LRP6: variants seen among roughly 807,000 people sequenced by gnomAD.
The protein encoded by LRP6 is LDL receptor related protein 6, also known as low-density lipoprotein receptor-related protein 6.
In LRP6, 43 loss-of-function variants were observed where a neutral mutation model predicts 184.1. The observed-to-expected ratio is 0.23, with a 90% CI of 0.18 to 0.30. The LOEUF is 0.30. Ranked by LOEUF, LRP6 falls within the 10% of genes least tolerant of loss-of-function variation. The pLI, the probability that LRP6 is intolerant of heterozygous loss-of-function variation, is 1.00. For missense variants in LRP6, 1,571 were observed against 2,005.3 expected (o/e 0.78, Z 4.14); for synonymous variants, 719 against 684.9 (o/e 1.05, Z -0.78).
Position 12,147,634 on chromosome 12 carries a change from T to C in LRP6, c.3207-78A>G, listed in dbSNP as rs567847245. The C allele has an allele frequency of 5.9e-4, 680 of 1,144,108 alleles. 3 individuals carry two copies. Among genetic ancestry groups the C allele is most frequent in the Middle Eastern group, 6.6e-4 (3 of 4,540 alleles). The allele number at this position is 1,144,108 out of a possible 1,614,324, so 70.9% of individuals were successfully genotyped here. ...ATGAGGATATTCTTATTAAGACAAA[T>C]GGAGGTAGAGTATTTTTAAGTATTG... On this transcript the variant is annotated intron_variant, in intron 14 of 22. Coordinates refer to ENST00000261349, the MANE Select transcript of LRP6 (RefSeq NM_002336.3).
chr12:12,212,870 C>T (rs1296313848), intron 2 of LRP6, among the ~76,000 whole-genome samples: 1 of 152,130 alleles, frequency 6.6e-6, no homozygotes, highest in Non-Finnish European at 1.5e-5. Context: ...CTTGAGAATT[C>T]TTGGTCTTGA....
At chr12:12,173,535 G>C (rs1470091720) in intron 7 of LRP6, among the ~76,000 whole-genome samples, 1 of 151,894 alleles carries the variant, frequency 6.6e-6, no homozygotes, top group African/African-American at 2.4e-5. Flanking sequence ...TAGAGATGGG[G>C]TTTTGCCATG....
At chr12:12,173,826 T>C (rs1863107292) in intron 7 of LRP6, among the ~76,000 whole-genome samples, 1 of 152,132 alleles carries the variant, frequency 6.6e-6, no homozygotes, top group Admixed American at 6.5e-5. Flanking sequence ...CAAATTTCAT[T>C]GTTATGCGAT....
chr12:12,205,325 C>CAAAAAAAAAAAAAAAA (rs1334062234), intron 2 of LRP6, among the ~76,000 whole-genome samples: 6 of 26,228 alleles, frequency 2.3e-4, no homozygotes, highest in African/African-American at 5.7e-4. Context: ...CTGTCTCAAA[C>CAAAAAAAAAAAAAAAA]AAACAAAAAA....
rs574650360 is a variant in LRP6, at chr12:12,179,473, G to T, written c.1545+337C>A. ...TAACTTAGGACAGCCAGTTCTTCCAGTATAGATCTTACATAATTTTGGTTT... is the reference window on the plus strand; with the variant it reads ...TAACTTAGGACAGCCAGTTCTTCCATTATAGATCTTACATAATTTTGGTTT... On this transcript the variant is annotated intron_variant, in intron 7 of 22. Coordinates refer to ENST00000261349, the MANE Select transcript of LRP6 (RefSeq NM_002336.3). 3.6e-3 allele frequency among the ~76,000 whole-genome samples: 555 copies of T among 152,152 alleles called. 10 individuals are homozygous for T. Among genetic ancestry groups the T allele is most frequent in the Non-Finnish European group, 3.0e-3 (204 of 68,002 alleles).
chr12:12,191,681 T>A (rs1296376831), intron 3 of LRP6, among the ~76,000 whole-genome samples: 1 of 152,074 alleles, frequency 6.6e-6, no homozygotes, highest in Non-Finnish European at 1.5e-5. Flanking sequence ...GTATTTAAAG[T>A]AAGATACTAG....
chr12:12,205,280 C>T (rs981415363), intron 2 of LRP6, among the ~76,000 whole-genome samples: 8 of 140,610 alleles, frequency 5.7e-5, no homozygotes, highest in African/African-American at 2.2e-4. Context: ...AGATTGTGTG[C>T]CACTGCACTC....
chr12:12,199,480 C>T (rs1181737035), intron 3 of LRP6, among the ~76,000 whole-genome samples: 1 of 152,054 alleles, frequency 6.6e-6, no homozygotes, highest in Non-Finnish European at 1.5e-5. Context: ...CTTCAAAGTG[C>T]ATCATTTGTA....
chr12:12,181,140 G>T lies in LRP6; in HGVS notation c.1276C>A (p.Arg426=). The T allele has an allele frequency of 6.2e-7, 1 of 1,613,976 alleles. No individual in the cohort carries two copies. Among genetic ancestry groups the T allele is most frequent in the Non-Finnish European group, 8.5e-7 (1 of 1,179,970 alleles). ...NLYWTDTGTD[R]IEVTRLNGTM... Reference sequence around the variant, plus strand: ...CCATTGAGCCTTGTCACTTCTATTCGATCAGTGCCAGTGTCTGTCCAATAA... The same window carrying T: ...CCATTGAGCCTTGTCACTTCTATTCTATCAGTGCCAGTGTCTGTCCAATAA... The change falls in exon 6 of 23, where the codon CGA becomes AGA. Residue 426 remains arginine, a synonymous_variant. Coordinates refer to ENST00000261349, the MANE Select transcript of LRP6 (RefSeq NM_002336.3).
chr12:12,260,540 A>T (rs1041011285), intron 1 of LRP6, among the ~76,000 whole-genome samples: 1 of 152,222 alleles, frequency 6.6e-6, no homozygotes, highest in Admixed American at 6.5e-5. Flanking sequence ...TGCCAAAAAC[A>T]GTGCCCAGGA....
chr12:12,179,698 T>C, intron 7 of LRP6, 112 bp downstream of exon 7: 1 of 1,119,252 alleles, frequency 8.9e-7, no homozygotes, highest in Non-Finnish European at 1.3e-6. Context: ...AAGGTACCTT[T>C]GGCACCCCAG....
chr12:12,158,239 G>T (rs369832896), intron 12 of LRP6, among the ~76,000 whole-genome samples: 2 of 152,148 alleles, frequency 1.3e-5, no homozygotes, highest in African/African-American at 4.8e-5. Flanking sequence ...TGTTTGTAAT[G>T]TTCTTCCCTT....
At chr12:12,220,274 C>A (rs1864453350) in intron 2 of LRP6, among the ~76,000 whole-genome samples, 1 of 149,648 alleles carries the variant, frequency 6.7e-6, no homozygotes. Context: ...GGCAACAGAG[C>A]GAGAACCTGC....
chr12:12,141,858 C>A (rs555459733), intron 15 of LRP6, among the ~76,000 whole-genome samples: 2 of 152,228 alleles, frequency 1.3e-5, no homozygotes, highest in East Asian at 3.9e-4. Flanking sequence ...TAAGTCTAGA[C>A]TTAAAAAAAT....
intron 3 of LRP6, among the ~76,000 whole-genome samples, chr12:12,193,512 C>T (rs910250562): frequency 4.0e-5 from 6 of 149,896 alleles, no homozygotes; most frequent in African/African-American, 1.2e-4. Context: ...AAAAAAAAGA[C>T]GCAAATTGTG....
At chr12:12,225,490 T>G (rs550844712) in intron 2 of LRP6, among the ~76,000 whole-genome samples, 1 of 152,140 alleles carries the variant, frequency 6.6e-6, no homozygotes, top group African/African-American at 2.4e-5. Flanking sequence ...GATGACTTGC[T>G]GGAGGCTTAG....
chr12:12,189,810 A>T (rs2137011213), intron 3 of LRP6, among the ~76,000 whole-genome samples: 1 of 151,930 alleles, frequency 6.6e-6, no homozygotes, highest in East Asian at 1.9e-4. Flanking sequence ...CTTAACACTA[A>T]ATATAAATGT....
intron 2 of LRP6, among the ~76,000 whole-genome samples, chr12:12,229,363 T>A (rs1287668196): frequency 1.8e-4 from 15 of 83,658 alleles, no homozygotes; most frequent in Non-Finnish European, 4.6e-5. Flanking sequence ...GAAGTGAAAC[T>A]CCATTTCAAA....
chr12:12,127,199 T>C (rs1436999893), intron 19 of LRP6, among the ~76,000 whole-genome samples: 1 of 152,192 alleles, frequency 6.6e-6, no homozygotes, highest in East Asian at 1.9e-4. Context: ...ACAAAGATGG[T>C]AAATGAAGTA....
Sources: gnomAD v4.1 joint callset for allele counts (sites outside exome capture counted in the v4.1 genomes callset) on GRCh38, gnomAD v4.1.1 for gene constraint, MANE v1.5 for transcripts, NCBI Gene and HGNC (gene_info 2026-07-23, HGNC 2026-07-21) for gene names.